SGCD: variants seen among roughly 807,000 people sequenced by gnomAD.
The protein encoded by SGCD is sarcoglycan delta.
SGCD carries 18 observed loss-of-function variants against 36.6 expected under a neutral mutation model. The ratio of observed to expected loss-of-function variants is 0.49; its 90% CI spans 0.34 to 0.73. The LOEUF is 0.73. Among genes scored for constraint, SGCD ranks in the 30% least tolerant of loss-of-function variants. The pLI is 0.01. For missense variants in SGCD, 387 were observed against 346.7 expected, an observed-to-expected ratio of 1.12 and a Z score of -0.92; for synonymous variants, 133 against 130.6, an observed-to-expected ratio of 1.02 and a Z score of -0.12.
At chr5:156,748,411 G>C (rs981088639) in intron 7 of SGCD, among the ~76,000 whole-genome samples, 2 of 152,120 alleles carry the variant, frequency 1.3e-5, no homozygotes, top group African/African-American at 4.8e-5. Flanking sequence ...TTATATTAAA[G>C]ACCTCTAAAA....
At chr5:155,856,294 T>A in the SGCD span, among the ~76,000 whole-genome samples, 1 of 152,078 alleles carries the variant, frequency 6.6e-6, no homozygotes, top group East Asian at 1.9e-4. Flanking sequence ...AATAAAAACA[T>A]TGACCCAAAA....
intron 1 of SGCD, among the ~76,000 whole-genome samples, chr5:155,984,359 T>G: frequency 6.6e-6 from 1 of 152,214 alleles, no homozygotes; most frequent in East Asian, 1.9e-4. Flanking sequence ...GTTCGTGATC[T>G]AAAATGTGGA....
chr5:156,142,980 C>A (rs930711946), intron 3 of SGCD, among the ~76,000 whole-genome samples: 1 of 152,308 alleles, frequency 6.6e-6, no homozygotes, highest in South Asian at 2.1e-4. Context: ...AATGGGGAAA[C>A]GGACTGGAAG....
intron 1 of SGCD, among the ~76,000 whole-genome samples, chr5:155,965,799 C>T (rs1757889668): frequency 6.6e-6 from 1 of 152,118 alleles, no homozygotes; most frequent in Non-Finnish European, 1.5e-5. Context: ...AAGCTCAGGG[C>T]CCTTGTTCAC....
At chr5:156,528,853 T>G (rs1332817119) in intron 4 of SGCD, among the ~76,000 whole-genome samples, 1 of 152,126 alleles carries the variant, frequency 6.6e-6, no homozygotes, top group Non-Finnish European at 1.5e-5. Context: ...CTTCAAAGCT[T>G]TGGGTTTCTC....
intron 3 of SGCD, among the ~76,000 whole-genome samples, chr5:156,366,338 C>T (rs1004048463): frequency 6.6e-6 from 1 of 152,094 alleles, no homozygotes; most frequent in Non-Finnish European, 1.5e-5. Context: ...TGGAACAGGG[C>T]AGGGTCATTG....
At chr5:155,934,120 A>C (rs1457047379) in intron 1 of SGCD, among the ~76,000 whole-genome samples, 1 of 152,224 alleles carries the variant, frequency 6.6e-6, no homozygotes, top group Non-Finnish European at 1.5e-5. Flanking sequence ...ACCTTGATTG[A>C]CAATCCTATC....
At chr5:155,927,696 G>A (rs1365908075) in intron 1 of SGCD, among the ~76,000 whole-genome samples, 2 of 152,198 alleles carry the variant, frequency 1.3e-5, no homozygotes, top group African/African-American at 4.8e-5. Flanking sequence ...GAAGCACAAT[G>A]ACCTTGTCAC....
chr5:156,051,297 A>G (rs1367062986), intron 1 of SGCD, among the ~76,000 whole-genome samples: 1 of 146,218 alleles, frequency 6.8e-6, no homozygotes, highest in African/African-American at 2.5e-5. Flanking sequence ...TAGCTTACTA[A>G]ATTTCCAAAG....
At chr5:156,725,455 A>C (rs1755728161) in intron 7 of SGCD, among the ~76,000 whole-genome samples, 1 of 152,212 alleles carries the variant, frequency 6.6e-6, no homozygotes, top group South Asian at 2.1e-4. Flanking sequence ...CAGCCAGCTT[A>C]TGGAAATGTA....
intron 3 of SGCD, among the ~76,000 whole-genome samples, chr5:156,439,115 T>C (rs1408204631): frequency 6.6e-6 from 1 of 152,146 alleles, no homozygotes; most frequent in African/African-American, 2.4e-5. Flanking sequence ...CTAACCTTGA[T>C]AGAGACGTGA....
At chr5:155,921,623 A>G (rs1274486415) in intron 1 of SGCD, among the ~76,000 whole-genome samples, 2 of 152,150 alleles carry the variant, frequency 1.3e-5, no homozygotes, top group African/African-American at 4.8e-5. Flanking sequence ...TCAAAACACA[A>G]ATGGGATGTG....
intron 7 of SGCD, among the ~76,000 whole-genome samples, chr5:156,691,404 G>T (rs906282869): frequency 3.9e-5 from 6 of 152,042 alleles, no homozygotes; most frequent in African/African-American, 7.2e-5. Flanking sequence ...TAGAGCACTT[G>T]CATTGCAAAA....
chr5:156,450,608 C>T (rs1753966265), intron 3 of SGCD, among the ~76,000 whole-genome samples: 1 of 149,950 alleles, frequency 6.7e-6, no homozygotes, highest in Non-Finnish European at 1.5e-5. Context: ...TTTTGTGTTC[C>T]AGATTAAGAG....
intron 3 of SGCD, among the ~76,000 whole-genome samples, chr5:156,248,119 ATG>A (rs923283225): frequency 2.0e-5 from 3 of 152,008 alleles, no homozygotes; most frequent in Admixed American, 1.3e-4. Context: ...ATGTTTATGT[ATG>A]TGTGTGTGTG....
chr5:156,548,773 A>G (rs1758679140), intron 4 of SGCD, among the ~76,000 whole-genome samples: 1 of 152,166 alleles, frequency 6.6e-6, no homozygotes, highest in Non-Finnish European at 1.5e-5. Context: ...GAGTGAGGCC[A>G]TTGCCTTTGA....
intron 1 of SGCD, among the ~76,000 whole-genome samples, chr5:156,088,335 T>C (rs1235599250): frequency 6.6e-6 from 1 of 152,090 alleles, no homozygotes; most frequent in Non-Finnish European, 1.5e-5. Context: ...TCCAGAGTCA[T>C]TGAGAGTCTT....
intron 3 of SGCD, among the ~76,000 whole-genome samples, chr5:156,204,185 G>A (rs1222975334): frequency 6.6e-6 from 1 of 151,972 alleles, no homozygotes; most frequent in Non-Finnish European, 1.5e-5. Context: ...AGTGTTACTG[G>A]ACCTGCAGCT....
chr5:156,515,544 G>T (rs554797793), intron 4 of SGCD, among the ~76,000 whole-genome samples: 251 of 152,316 alleles, frequency 1.6e-3, no homozygotes, highest in Non-Finnish European at 3.1e-3. Context: ...CCTGGGAGCA[G>T]CACAGGCAAT....
Sources: allele counts gnomAD v4.1 joint callset (sites outside exome capture counted in the v4.1 genomes callset), GRCh38; gene constraint gnomAD v4.1.1; transcripts MANE v1.5; gene names NCBI Gene and HGNC (gene_info 2026-07-23, HGNC 2026-07-21).